NELL2: variants seen among roughly 807,000 people sequenced by gnomAD.
NELL2 encodes the protein neural EGFL like 2.
NELL2 carries 41 observed loss-of-function variants against 109.6 expected under a neutral mutation model. The ratio of observed to expected loss-of-function variants is 0.37; its 90% CI spans 0.29 to 0.49. NELL2 has a LOEUF of 0.49. Among genes scored for constraint, NELL2 ranks in the 20% least tolerant of loss-of-function variants. The pLI is 0.98. For synonymous variants in NELL2, 355 were observed against 344.7 expected (o/e 1.03, Z -0.33); for missense variants, 900 against 1,008.3 (o/e 0.89, Z 1.45).
chr12:44,738,535 T>C (rs775037401), intron 9 of NELL2, among the ~76,000 whole-genome samples: 3 of 151,278 alleles, frequency 2.0e-5, no homozygotes, highest in Non-Finnish European at 4.4e-5. Context: ...GAGGACATTA[T>C]GCTAAGTGAA....
At chr12:44,810,544 T>C (rs1349369860) in intron 3 of NELL2, among the ~76,000 whole-genome samples, 2 of 152,116 alleles carry the variant, frequency 1.3e-5, no homozygotes, top group Non-Finnish European at 2.9e-5. Context: ...AAAAAGCATA[T>C]TTTTCAAAGC....
At chr12:44,825,990 C>T (rs941771077) in intron 2 of NELL2, among the ~76,000 whole-genome samples, 1 of 151,372 alleles carries the variant, frequency 6.6e-6, no homozygotes, top group East Asian at 2.0e-4. Flanking sequence ...TGCAGTGAGC[C>T]GAGATCGCGC....
chr12:44,554,410 T>C (rs917567463), intron 15 of NELL2, among the ~76,000 whole-genome samples: 4 of 152,094 alleles, frequency 2.6e-5, no homozygotes, highest in Admixed American at 2.6e-4. Flanking sequence ...CAAAGTAACA[T>C]ACAATGACAG....
intron 1 of NELL2, among the ~76,000 whole-genome samples, chr12:44,912,609 G>A (rs1945792015): frequency 6.6e-6 from 1 of 151,984 alleles, no homozygotes; most frequent in Admixed American, 6.6e-5. Flanking sequence ...AATTAAATTG[G>A]CTTCCCACCA....
chr12:44,848,635 C>A (rs886777690), intron 2 of NELL2, among the ~76,000 whole-genome samples: 1 of 152,070 alleles, frequency 6.6e-6, no homozygotes, highest in African/African-American at 2.4e-5. Context: ...AAAACCATAC[C>A]TCTCTCCTCA....
chr12:44,798,531 A>G (rs2136646787), intron 3 of NELL2, among the ~76,000 whole-genome samples: 1 of 152,300 alleles, frequency 6.6e-6, no homozygotes, highest in Non-Finnish European at 1.5e-5. Flanking sequence ...ACAATACTGA[A>G]AGAAATTAAT....
chr12:44,581,088 A>G (rs1944304989), intron 15 of NELL2, among the ~76,000 whole-genome samples: 1 of 152,174 alleles, frequency 6.6e-6, no homozygotes, highest in African/African-American at 2.4e-5. Context: ...GTGATTCCAT[A>G]TCTATTTTAG....
chr12:44,854,051 T>C (rs1414642673), intron 2 of NELL2, among the ~76,000 whole-genome samples: 1 of 152,206 alleles, frequency 6.6e-6, no homozygotes, highest in Non-Finnish European at 1.5e-5. Flanking sequence ...GATATCCAGC[T>C]ACTAATTACC....
At chr12:44,745,901 C>T (rs949506836) in intron 9 of NELL2, among the ~76,000 whole-genome samples, 2 of 152,112 alleles carry the variant, frequency 1.3e-5, no homozygotes, top group Non-Finnish European at 2.9e-5. Flanking sequence ...CAATGCCATC[C>T]CCATCAAGCT....
intron 12 of NELL2, among the ~76,000 whole-genome samples, chr12:44,697,546 A>G (rs567505480): frequency 7.0e-4 from 106 of 152,320 alleles, no homozygotes; most frequent in Non-Finnish European, 1.4e-3. Flanking sequence ...TAATGAAACA[A>G]CATTAAATGA....
At chr12:44,611,998 T>C (rs11182559) in intron 13 of NELL2, among the ~76,000 whole-genome samples, 96,719 of 151,890 alleles carry the variant, frequency 0.64, 32,852 homozygotes, top group African/African-American at 0.9. Context: ...TAAAACAAAA[T>C]ATACATTTTA....
Position 44,509,001 on chromosome 12 carries a change from T to G in NELL2, c.2401-17A>C. 6.2e-7 allele frequency: 1 copy of G among 1,608,306 alleles called. No individual in the cohort carries two copies. The highest frequency in any genetic ancestry group is 8.5e-7 in the Non-Finnish European group (1 of 1,175,820). ...GTGGCCATTCTAGATTTAAAAAAAG[T>G]AGAAAGAAAAACAGTATGAATTTTT... On this transcript the variant is annotated splice_polypyrimidine_tract_variant and intron_variant, in intron 19 of 19. Transcript: ENST00000429094.
intron 13 of NELL2, among the ~76,000 whole-genome samples, chr12:44,658,250 C>G (rs2136327114): frequency 6.6e-6 from 1 of 152,272 alleles, no homozygotes; most frequent in South Asian, 2.1e-4. Context: ...TCAGCAAAGT[C>G]TCAGGATACA....
At chr12:44,906,290 C>T (rs2710443) in intron 1 of NELL2, among the ~76,000 whole-genome samples, 5 of 151,676 alleles carry the variant, frequency 3.3e-5, no homozygotes, top group African/African-American at 9.7e-5. Context: ...AGAGGAAATG[C>T]GGTTAAATTA....
intron 12 of NELL2, among the ~76,000 whole-genome samples, chr12:44,694,955 C>T (rs2136402972): frequency 6.6e-6 from 1 of 151,504 alleles, no homozygotes; most frequent in Non-Finnish European, 1.5e-5. Flanking sequence ...AGGAATTCAT[C>T]ACTAAACAAG....
intron 13 of NELL2, among the ~76,000 whole-genome samples, chr12:44,647,843 G>C (rs976136053): frequency 6.6e-6 from 1 of 152,194 alleles, no homozygotes; most frequent in African/African-American, 2.4e-5. Context: ...AATGGGATAA[G>C]TGGGGTGTCA....
At chr12:44,828,407 C>T (rs775161897) in intron 2 of NELL2, among the ~76,000 whole-genome samples, 2 of 152,156 alleles carry the variant, frequency 1.3e-5, no homozygotes, top group Admixed American at 6.5e-5. Context: ...TCCAATTAAA[C>T]CCCCAAACAC....
At chr12:44,901,219 T>C (rs971528384) in intron 1 of NELL2, among the ~76,000 whole-genome samples, 2 of 152,016 alleles carry the variant, frequency 1.3e-5, no homozygotes, top group African/African-American at 4.8e-5. Flanking sequence ...AAAGGGGATA[T>C]CACCACTTAT....
chr12:44,727,554 CAGAA>C (rs1481324413), intron 9 of NELL2, among the ~76,000 whole-genome samples: 1 of 151,686 alleles, frequency 6.6e-6, no homozygotes, highest in African/African-American at 2.4e-5. Context: ...GAGAGAAAAG[CAGAA>C]AGAGAGAGGA....
Sources: allele counts gnomAD v4.1 joint callset (sites outside exome capture counted in the v4.1 genomes callset), GRCh38; gene constraint gnomAD v4.1.1; transcripts MANE v1.5; gene names NCBI Gene and HGNC (gene_info 2026-07-23, HGNC 2026-07-21).